Variants in ZNF341 observed in about 807,000 individuals in gnomAD.
The protein encoded by ZNF341 is zinc finger protein 341.
ZNF341 carries 52 observed loss-of-function variants against 87.7 expected under a neutral mutation model. The observed-to-expected ratio is 0.59, with a 90% confidence interval of 0.47 to 0.75. The LOEUF (loss-of-function observed/expected upper bound fraction) is 0.75, where lower values mean the gene tolerates loss of function less well. ZNF341 is among the 30% of genes least tolerant of loss of function. ZNF341 has a pLI of 0.00. For missense variants in ZNF341, 977 were observed against 1,145.9 expected (o/e 0.85, Z 2.13); for synonymous variants, 459 against 472.7 (o/e 0.97, Z 0.38).
rs1024202680 is a variant in ZNF341 at position 33,748,905 on chromosome 20, C to G, written c.340-18C>G. Reference sequence around the variant, plus strand: ...TGTCTCTCTCCGTCTCACTCATTCTCTCTCTCCCACTGTCCAGATCTCCAC... The same window carrying G: ...TGTCTCTCTCCGTCTCACTCATTCTGTCTCTCCCACTGTCCAGATCTCCAC... On this transcript the variant is annotated intron_variant, in intron 3 of 14. Transcript: ENST00000375200. 1.2e-6 allele frequency: 2 copies of G among 1,601,292 alleles called. No homozygotes were observed.
At position 33,758,779 on chromosome 20, in the gene ZNF341, A is replaced by T; in HGVS notation, c.1001A>T (p.Asn334Ile). Reference protein sequence around the residue: ...CSYCDKSFTKNFDLQQHIRSH... With the variant: ...CSYCDKSFTKIFDLQQHIRSH... The stretch of plus-strand genomic sequence containing the variant: ...TACTGTGACAAGTCATTCACCAAAA[A>T]CTTTGACCTGCAGCAGCACATCCGA... Residue 334 changes from asparagine to isoleucine, a missense_variant, in exon 7 of 15, where the codon AAC becomes ATC. Asn to Ile is a moderately radical substitution (Grantham distance 149). Coordinates refer to ENST00000375200, the MANE Select transcript of ZNF341 (RefSeq NM_001282933.2). The T allele has an allele frequency of 1.9e-6, 3 of 1,613,946 alleles. No homozygotes were observed. The highest frequency in any genetic ancestry group is 2.5e-6 in the Non-Finnish European group (3 of 1,179,980).
At chr20:33,768,933 C>G (rs1379383970) in intron 9 of ZNF341, among the ~76,000 whole-genome samples, 2 of 151,918 alleles carry the variant, frequency 1.3e-5, no homozygotes, top group Non-Finnish European at 2.9e-5. Context: ...GTGAGGAAAC[C>G]CAAAGGAAGA....
At chr20:33,771,130 T>A (rs545316814) in intron 10 of ZNF341, among the ~76,000 whole-genome samples, 4 of 152,016 alleles carry the variant, frequency 2.6e-5, no homozygotes, top group African/African-American at 7.2e-5. Context: ...TCAAAAAAAA[T>A]AAAATACAAT....
chr20:33,766,782 G>A (rs917503720), intron 8 of ZNF341, 69 bp from the exon 9 acceptor site: 15 of 1,497,552 alleles, frequency 1.0e-5, no homozygotes, highest in Non-Finnish European at 1.3e-5. Context: ...GGAGCACGGA[G>A]TAGGGGTTCT....
intron 7 of ZNF341, 51 bp downstream of exon 7, chr20:33,758,857 C>G: frequency 6.5e-7 from 1 of 1,528,380 alleles, no homozygotes; most frequent in Non-Finnish European, 9.0e-7. Context: ...TGGCTGGGAC[C>G]ATCTGTGCTG....
chr20:33,786,635 C>A (rs1277373007), intron 12 of ZNF341, among the ~76,000 whole-genome samples: 2 of 152,064 alleles, frequency 1.3e-5, no homozygotes, highest in African/African-American at 4.8e-5. Context: ...TTTGATATTA[C>A]CAAATTGCTC....
intron 1 of ZNF341, among the ~76,000 whole-genome samples, chr20:33,740,024 C>T (rs2018768293): frequency 1.3e-5 from 2 of 152,150 alleles, no homozygotes; most frequent in African/African-American, 2.4e-5. Context: ...ACCACCACGC[C>T]CAGCTAATTT....
chr20:33,783,803 A>G lies in ZNF341; in HGVS notation c.1791A>G (p.Gln597=). 6.2e-7 allele frequency: 1 copy of G among 1,613,740 alleles called. No individual in the cohort carries two copies. The highest frequency in any genetic ancestry group is 8.5e-7 in the Non-Finnish European group (1 of 1,179,830). The change falls in exon 12 of 15, where the codon CAA becomes CAG. Residue 597 remains glutamine, a synonymous_variant. Transcript: ENST00000375200. ...THGSGGRFKC[Q]VCKKFFRREH... is the part of the protein sequence containing the mutation. ...GCAGCGGGGGCAGGTTCAAGTGCCAAGTGTGCAAGAAGTTCTTCCGGCGGG... is the reference window on the plus strand; with the variant it reads ...GCAGCGGGGGCAGGTTCAAGTGCCAGGTGTGCAAGAAGTTCTTCCGGCGGG...
chr20:33,756,981 A>G (rs775717964), intron 5 of ZNF341, among the ~76,000 whole-genome samples, 167 bp from the exon 6 acceptor site: 49 of 152,204 alleles, frequency 3.2e-4, no homozygotes, highest in Admixed American at 5.2e-4. Context: ...ATGAAGTTCT[A>G]AGGGAGCTTG....
chr20:33,740,110 C>T (rs966534863), intron 1 of ZNF341, among the ~76,000 whole-genome samples: 7 of 152,154 alleles, frequency 4.6e-5, no homozygotes, highest in Admixed American at 1.3e-4. Flanking sequence ...GTGCTCTGCC[C>T]GCCTTGGCCA....
intron 2 of ZNF341, among the ~76,000 whole-genome samples, chr20:33,744,200 A>G (rs1233803330): frequency 6.6e-6 from 1 of 151,996 alleles, no homozygotes; most frequent in Non-Finnish European, 1.5e-5. Context: ...GGAGAATCGC[A>G]TGAATATGGG....
chr20:33,766,131 C>T (rs1016868765), intron 8 of ZNF341, among the ~76,000 whole-genome samples: 11 of 151,870 alleles, frequency 7.2e-5, no homozygotes, highest in East Asian at 5.8e-4. Flanking sequence ...GTGATCTGCC[C>T]GCCTTGGCCT....
At chr20:33,783,683 G>A (rs1018953584) in intron 11 of ZNF341, 49 bp from the exon 12 acceptor site, 1 of 1,612,484 alleles carries the variant, frequency 6.2e-7, no homozygotes, top group Admixed American at 1.7e-5. Flanking sequence ...AGATGGCCAG[G>A]GGAGGGGGGC....
chr20:33,737,840 A>G (rs750042533), intron 1 of ZNF341, among the ~76,000 whole-genome samples: 10 of 152,182 alleles, frequency 6.6e-5, no homozygotes, highest in Admixed American at 1.3e-4. Context: ...CTTAGGTTCT[A>G]TAATAATGAT....
chr20:33,755,121 T>G (rs1601251082), intron 5 of ZNF341, among the ~76,000 whole-genome samples: 1 of 152,278 alleles, frequency 6.6e-6, no homozygotes, highest in East Asian at 1.9e-4. Context: ...TTTTTTTGTA[T>G]TTTTAGTAGA....
At chr20:33,753,545 C>G (rs79560789) in intron 5 of ZNF341, 122 bp downstream of exon 5, 1 of 1,317,586 alleles carries the variant, frequency 7.6e-7, no homozygotes, top group African/African-American at 1.5e-5. Flanking sequence ...AAACCAGACC[C>G]GGTCCTGGCC....
At chr20:33,740,881 A>AG (rs1199074168) in intron 1 of ZNF341, 21 bp from the exon 2 acceptor site, 1 of 1,609,320 alleles carries the variant, frequency 6.2e-7, no homozygotes, top group East Asian at 2.2e-5. Context: ...CCTTCCAAAG[A>AG]GGCTGCACTT....
intron 2 of ZNF341, 36 bp from the exon 3 acceptor site, chr20:33,745,067 T>C: frequency 6.3e-7 from 1 of 1,577,036 alleles, no homozygotes; most frequent in African/African-American, 1.3e-5. Context: ...CCTTCATCTG[T>C]GGCCTCTTCC....
intron 6 of ZNF341, among the ~76,000 whole-genome samples, chr20:33,758,453 G>T (rs1227061925): frequency 6.6e-6 from 1 of 152,172 alleles, no homozygotes; most frequent in Non-Finnish European, 1.5e-5. Context: ...AGTGCTGTGG[G>T]CCATGGCAAA....
Sources: gnomAD v4.1 joint callset for allele counts (sites outside exome capture counted in the v4.1 genomes callset) on GRCh38, gnomAD v4.1.1 for gene constraint, MANE v1.5 for transcripts, NCBI Gene and HGNC (gene_info 2026-07-23, HGNC 2026-07-21) for gene names.